Variants in NDP observed in about 807,000 individuals in gnomAD.
The protein encoded by NDP is norrin cystine knot growth factor NDP, also known as norrin.
NDP carries 2 observed loss-of-function variants against 8.4 expected under a neutral mutation model. The ratio of observed to expected loss-of-function variants is 0.24; its 90% CI spans 0.10 to 0.75. NDP has a LOEUF of 0.75. Among genes scored for constraint, NDP ranks in the 30% least tolerant of loss-of-function variants. The probability of loss-of-function intolerance (pLI) is 0.73; values close to 1 mark genes in which losing one functional copy is unlikely to be tolerated. For missense variants in NDP, 81 were observed against 110.1 expected (o/e 0.74, Z 1.18); for synonymous variants, 55 against 45.6 (o/e 1.21, Z -0.83).
At chrX:43,963,252 T>G (rs2035836829) in intron 1 of NDP, among the ~76,000 whole-genome samples, 1 of 112,084 alleles carries the variant, frequency 8.9e-6, no homozygotes. Context: ...AGATAAGAGA[T>G]AGGGTCAGGG....
At chrX:43,956,032 A>C (rs1453202823) in intron 2 of NDP, among the ~76,000 whole-genome samples, 2 of 112,166 alleles carry the variant, frequency 1.8e-5, no homozygotes, top group Non-Finnish European at 3.8e-5. Flanking sequence ...TGTAAGGCAG[A>C]CATTGCCACT....
intron 1 of NDP, among the ~76,000 whole-genome samples, chrX:43,963,086 C>T (rs1455023253): frequency 8.9e-6 from 1 of 112,126 alleles, no homozygotes; most frequent in Non-Finnish European, 1.9e-5. Flanking sequence ...GCCTTGCTTG[C>T]CAGGCACAGG....
intron 1 of NDP, among the ~76,000 whole-genome samples, chrX:43,959,448 A>G (rs1394005543): frequency 8.9e-6 from 1 of 112,190 alleles, no homozygotes; most frequent in Non-Finnish European, 1.9e-5. Context: ...TGCATCTGAA[A>G]TACACATTAT....
chrX:43,963,398 C>G (rs1002016411), intron 1 of NDP, among the ~76,000 whole-genome samples: 2 of 111,552 alleles, frequency 1.8e-5, no homozygotes, highest in African/African-American at 6.5e-5. Context: ...ATCCAGTATT[C>G]ATTGCATCAT....
chrX:43,971,559 A>G (rs1243047763), intron 1 of NDP, among the ~76,000 whole-genome samples: 2 of 111,799 alleles, frequency 1.8e-5, no homozygotes, highest in African/African-American at 6.5e-5. Context: ...CCGTTACCTG[A>G]ACCAAATGTA....
chrX:43,961,243 T>G (rs2035824634), intron 1 of NDP, among the ~76,000 whole-genome samples: 1 of 112,782 alleles, frequency 8.9e-6, no homozygotes, highest in African/African-American at 3.2e-5. Flanking sequence ...CCAAACTCTG[T>G]AGAGGCCAAT....
intron 2 of NDP, among the ~76,000 whole-genome samples, chrX:43,952,061 A>C (rs972294894): frequency 3.1e-4 from 35 of 112,051 alleles, no homozygotes; most frequent in Non-Finnish European, 1.9e-4. Flanking sequence ...GCATGATCAT[A>C]GCACACTACA....
chrX:43,949,591 A>G lies in NDP; in HGVS notation c.*208T>C. Reference sequence around the variant, plus strand: ...AAAATGAACCAAAAGAAATTGTACCAGAGAAAGGAGATGGGAACTGCAAAG... The same window carrying G: ...AAAATGAACCAAAAGAAATTGTACCGGAGAAAGGAGATGGGAACTGCAAAG... On this transcript the variant is annotated 3_prime_UTR_variant, in exon 3 of 3. Transcript: ENST00000642620. 2.3e-6 allele frequency: 1 copy of G among 440,272 alleles called. No individual in the cohort carries two copies. The highest frequency in any genetic ancestry group is 3.8e-5 in the Admixed American group (1 of 26,579). 36.3% of individuals were successfully genotyped at this position (440,272 alleles called of 1,213,427 possible).
intron 1 of NDP, among the ~76,000 whole-genome samples, chrX:43,969,046 A>C (rs1356916645): frequency 9.0e-6 from 1 of 111,651 alleles, no homozygotes; most frequent in Non-Finnish European, 1.9e-5. Flanking sequence ...TCTTTTAAGG[A>C]TGTCACAGGG....
At position 43,949,196 on chromosome X, in the gene NDP, GC is replaced by G. The variant is rs1328274135; in HGVS notation, c.*602del. ...AAGTCATTTCTGAATAATAATTATA[GC>G]TGTCAAGAGTTCCAGCATCACATAA... On this transcript the variant is annotated 3_prime_UTR_variant, in exon 3 of 3. Transcript: ENST00000642620. 1 of 113,208 alleles carries G rather than the reference GC, an allele frequency of 8.8e-6. No homozygotes were observed. Among genetic ancestry groups the G allele is most frequent in the Non-Finnish European group, 1.9e-5 (1 of 54,039 alleles). The allele number at this position is 113,208 out of a possible 1,213,427, so 9.3% of individuals were successfully genotyped here.
At chrX:43,960,029 AC>A (rs1400573468) in intron 1 of NDP, among the ~76,000 whole-genome samples, 3 of 111,970 alleles carry the variant, frequency 2.7e-5, no homozygotes, top group Admixed American at 1.9e-4. Flanking sequence ...ATGGCATCAG[AC>A]CCATTTAGCC....
At chrX:43,963,904 C>T (rs2035841679) in intron 1 of NDP, among the ~76,000 whole-genome samples, 1 of 112,845 alleles carries the variant, frequency 8.9e-6, no homozygotes. Context: ...GGAGCCAAGC[C>T]TGGGCTGACC....
At chrX:43,967,349 A>G (rs1332972943) in intron 1 of NDP, among the ~76,000 whole-genome samples, 2 of 111,766 alleles carry the variant, frequency 1.8e-5, no homozygotes, top group Non-Finnish European at 3.8e-5. Flanking sequence ...TTGGACTTTG[A>G]TTAAGGATTG....
chrX:43,969,646 C>A (rs762017449), intron 1 of NDP: 2 of 112,127 alleles, frequency 1.8e-5, no homozygotes, highest in African/African-American at 6.5e-5. Context: ...CTCGGGACTA[C>A]AAAAAGCCCC....
At chrX:43,969,059 G>A (rs928397382) in intron 1 of NDP, among the ~76,000 whole-genome samples, 28 of 111,631 alleles carry the variant, frequency 2.5e-4, no homozygotes, top group Admixed American at 2.2e-3. Context: ...TCACAGGGAG[G>A]TTTACATTGA....
intron 2 of NDP, among the ~76,000 whole-genome samples, chrX:43,951,275 C>T (rs185466842): frequency 1.8e-5 from 2 of 109,343 alleles, no homozygotes; most frequent in African/African-American, 6.7e-5. Context: ...GTTAACCAGG[C>T]GTGGTGATGT....
intron 2 of NDP, among the ~76,000 whole-genome samples, chrX:43,951,259 T>TA (rs1438525887): frequency 9.6e-6 from 1 of 104,593 alleles, no homozygotes; most frequent in Admixed American, 1.0e-4. Context: ...AAAAAAAAAA[T>TA]AAAAAGTTAA....
At chrX:43,953,071 A>C (rs1196676111) in intron 2 of NDP, among the ~76,000 whole-genome samples, 1 of 110,039 alleles carries the variant, frequency 9.1e-6, no homozygotes, top group African/African-American at 3.3e-5. Context: ...CCAAATTCAA[A>C]TGCTCTTTCC....
intron 1 of NDP, among the ~76,000 whole-genome samples, chrX:43,969,932 C>A (rs1003732811): frequency 8.0e-5 from 9 of 111,805 alleles, no homozygotes; most frequent in Non-Finnish European, 1.5e-4. Flanking sequence ...GAAGGACTTG[C>A]AGGAAACAAG....
Sources: gnomAD v4.1 joint callset for allele counts (sites outside exome capture counted in the v4.1 genomes callset) on GRCh38, gnomAD v4.1.1 for gene constraint, MANE v1.5 for transcripts, NCBI Gene and HGNC (gene_info 2026-07-23, HGNC 2026-07-21) for gene names.